The following SCARA3 variants were observed in gnomAD, a reference collection of about 807,000 sequenced individuals.
The protein encoded by SCARA3 is cellular stress response gene protein.
SCARA3 carries 39 observed loss-of-function variants against 47.0 expected under a neutral mutation model. The ratio of observed to expected loss-of-function variants is 0.83; its 90% CI spans 0.64 to 1.08. The LOEUF (loss-of-function observed/expected upper bound fraction) is 1.08, where lower values mean the gene tolerates loss of function less well. Among genes scored for constraint, SCARA3 ranks in the 50% least tolerant of loss-of-function variants. The pLI is 0.00. For missense variants in SCARA3, 724 were observed against 792.3 expected, an observed-to-expected ratio of 0.91 and a Z score of 1.04; for synonymous variants, 356 against 334.1, an observed-to-expected ratio of 1.07 and a Z score of -0.71.
At chr8:27,683,257 G>A in the SCARA3 span, among the ~76,000 whole-genome samples, 36 of 152,246 alleles carry the variant, frequency 2.4e-4, no homozygotes, top group Non-Finnish European at 3.2e-4. Context: ...TGGTAGAAAT[G>A]AGATTGTAAC....
intron 1 of SCARA3, among the ~76,000 whole-genome samples, chr8:27,643,644 C>T (rs1801430280): frequency 1.3e-5 from 2 of 152,164 alleles, no homozygotes; most frequent in Admixed American, 1.3e-4. Context: ...CTATTCTGCA[C>T]TTTAAATATA....
chr8:27,724,992 T>G, the SCARA3 span, among the ~76,000 whole-genome samples: 1 of 152,086 alleles, frequency 6.6e-6, no homozygotes, highest in East Asian at 1.9e-4. Context: ...ATGAATGAGT[T>G]TCAAAATAGG....
intron 2 of SCARA3, 85 bp from the exon 3 acceptor site, chr8:27,651,423 G>A: frequency 1.3e-6 from 2 of 1,510,390 alleles, no homozygotes; most frequent in South Asian, 2.5e-5. Context: ...TGATGAGACA[G>A]ACCAGAGCAG....
chr8:27,710,773 A>AT, the SCARA3 span, among the ~76,000 whole-genome samples: 3 of 151,860 alleles, frequency 2.0e-5, no homozygotes. Flanking sequence ...AAACCAGGCC[A>AT]TTTTTCCTAT....
chr8:27,678,319 A>G (rs1168711249), downstream of SCARA3, among the ~76,000 whole-genome samples: 2 of 152,204 alleles, frequency 1.3e-5, no homozygotes, highest in African/African-American at 4.8e-5. Context: ...AAGAGGGAAG[A>G]CAGAGATTAC....
chr8:27,664,583 T>A (rs559574585), intron 5 of SCARA3, among the ~76,000 whole-genome samples: 2 of 152,328 alleles, frequency 1.3e-5, no homozygotes, highest in Admixed American at 1.3e-4. Flanking sequence ...TCTGCTCAGG[T>A]CCTGCTAAGC....
chr8:27,665,193 C>T (rs1374438756), intron 5 of SCARA3, among the ~76,000 whole-genome samples: 1 of 152,258 alleles, frequency 6.6e-6, no homozygotes, highest in African/African-American at 2.4e-5. Context: ...AGCCTGGCTT[C>T]TGATGTGCTC....
intron 3 of SCARA3, among the ~76,000 whole-genome samples, chr8:27,653,293 G>A (rs1348167509): frequency 4.6e-5 from 7 of 152,242 alleles, no homozygotes; most frequent in Non-Finnish European, 7.3e-5. Context: ...CAGCCTGGCA[G>A]GCTGGAGCGG....
In SCARA3 at chr8:27,658,563, A is replaced by G. The variant is rs928411800; in HGVS notation, c.393A>G (p.Lys131=). 3.7e-6 allele frequency: 6 copies of G among 1,614,024 alleles called. No individual in the cohort carries two copies. The Admixed American group carries it at 1.0e-4, about 27-fold the overall frequency. Residue 131 remains lysine (K), a synonymous_variant, in exon 5 of 6, where the codon AAA becomes AAG. Transcript: ENST00000301904. ...GGCAGCTGGGGCCAGAGATCCGAAA[A>G]CTGCAGGAGGAGCTGGAGGGAATTC... ...EAGQLGPEIR[K]LQEELEGIQK...
Position 27,658,527 on chromosome 8 carries a change from C to T in SCARA3, c.357C>T (p.Cys119=), listed in dbSNP as rs1172824232. 1.2e-6 allele frequency: 2 copies of T among 1,611,648 alleles called. No homozygotes were observed. Among genetic ancestry groups the T allele is most frequent in the Non-Finnish European group, 1.7e-6 (2 of 1,179,004 alleles). Residue 119 remains cysteine (C), a synonymous_variant, in exon 5 of 6, where the codon TGC becomes TGT. Transcript: ENST00000301904. ...DPKALNNCSF[C]HEAGQLGPEI... ...AAGCCCTGAACAACTGCTCTTTCTG[C>T]CATGAAGCTGGGCAGCTGGGGCCAG...
intron 5 of SCARA3, among the ~76,000 whole-genome samples, chr8:27,660,837 G>T (rs1201380913): frequency 2.0e-5 from 1 of 51,092 alleles, no homozygotes; most frequent in African/African-American, 3.8e-5. Context: ...AAGATAGCTA[G>T]CTAGCTAGAT....
At chr8:27,678,240 A>G (rs1173555416), downstream of SCARA3, among the ~76,000 whole-genome samples, 1 of 152,218 alleles carries the variant, frequency 6.6e-6, no homozygotes, top group Non-Finnish European at 1.5e-5. Flanking sequence ...AGAAAAATTC[A>G]TGAAATCAAA....
At chr8:27,703,882 G>A in the SCARA3 span, 2 of 84,090 alleles carry the variant, frequency 2.4e-5, no homozygotes, top group Non-Finnish European at 2.2e-5. Context: ...TTTACAGTGA[G>A]AAAAAAATAC....
At chr8:27,658,160 A>G (rs1246048015) in intron 4 of SCARA3, among the ~76,000 whole-genome samples, 2 of 152,222 alleles carry the variant, frequency 1.3e-5, no homozygotes, top group African/African-American at 2.4e-5. Context: ...TAACAGATAT[A>G]AAAATACTGG....
chr8:27,653,466 C>G (rs187095702), intron 3 of SCARA3, among the ~76,000 whole-genome samples: 293 of 152,250 alleles, frequency 1.9e-3, no homozygotes, highest in African/African-American at 6.5e-3. Context: ...TTTTTGCCTC[C>G]AGCTTGGGTA....
intron 1 of SCARA3, among the ~76,000 whole-genome samples, chr8:27,648,216 A>G (rs1272652095): frequency 1.3e-5 from 2 of 152,248 alleles, no homozygotes; most frequent in Non-Finnish European, 2.9e-5. Flanking sequence ...CCTGAACCTC[A>G]GTCTTTTTGT....
chr8:27,638,524 T>G (rs1462758090), intron 1 of SCARA3, among the ~76,000 whole-genome samples: 1 of 152,148 alleles, frequency 6.6e-6, no homozygotes, highest in East Asian at 1.9e-4. Flanking sequence ...TTTCTGGCAC[T>G]TAGGGGGTGT....
the SCARA3 span, among the ~76,000 whole-genome samples, chr8:27,693,342 G>A: frequency 2.6e-5 from 4 of 152,176 alleles, no homozygotes; most frequent in East Asian, 1.9e-4. Flanking sequence ...CTGTGCCTCC[G>A]GCCATAGTCA....
downstream of SCARA3, among the ~76,000 whole-genome samples, chr8:27,674,725 C>CTTTTT (rs71553874): frequency 1.8e-4 from 19 of 106,280 alleles, 1 homozygote; most frequent in East Asian, 5.7e-4. Flanking sequence ...TTTTCTCTCT[C>CTTTTT]TTTTTTTTTT....
Sources: gnomAD v4.1 joint callset for allele counts (sites outside exome capture counted in the v4.1 genomes callset) on GRCh38, gnomAD v4.1.1 for gene constraint, MANE v1.5 for transcripts, NCBI Gene and HGNC (gene_info 2026-07-23, HGNC 2026-07-21) for gene names.